The following DPP10 variants were observed in gnomAD, a reference collection of about 807,000 sequenced individuals.
DPP10 encodes inactive dipeptidyl peptidase 10.
DPP10 carries 33 observed loss-of-function variants against 120.9 expected under a neutral mutation model. The observed-to-expected ratio is 0.27, with a 90% CI of 0.21 to 0.37. DPP10 has a LOEUF of 0.37. Among genes scored for constraint, DPP10 ranks in the 10% least tolerant of loss-of-function variants. DPP10 has a pLI of 1.00. For missense variants in DPP10, 816 were observed against 942.8 expected, an observed-to-expected ratio of 0.87 and a Z score of 1.76; for synonymous variants, 337 against 326.1, an observed-to-expected ratio of 1.03 and a Z score of -0.36.
chr2:115,762,678 T>A, intron 12 of DPP10, 68 bp downstream of exon 12: 1 of 1,557,516 alleles, frequency 6.4e-7, no homozygotes, highest in Non-Finnish European at 8.8e-7. Context: ...TTTTATGTGA[T>A]AACTTTCTGT....
chr2:115,299,599 A>AT, intron 1 of DPP10, among the ~76,000 whole-genome samples: 1 of 152,172 alleles, frequency 6.6e-6, no homozygotes, highest in African/African-American at 2.4e-5. Context: ...CTGTCTATAA[A>AT]TTATATAGAC....
chr2:114,662,588 G>C (rs1223104153), intron 1 of DPP10, among the ~76,000 whole-genome samples: 2 of 152,172 alleles, frequency 1.3e-5, no homozygotes, highest in African/African-American at 4.8e-5. Context: ...AGAGGGCGCC[G>C]TTCTTCCCTG....
intron 1 of DPP10, among the ~76,000 whole-genome samples, chr2:115,056,762 A>G (rs1394598888): frequency 6.6e-6 from 1 of 152,230 alleles, no homozygotes; most frequent in African/African-American, 2.4e-5. Context: ...GGACTCCAAG[A>G]CAGAAGATGT....
At chr2:114,732,099 A>G (rs1376822738) in intron 1 of DPP10, among the ~76,000 whole-genome samples, 1 of 152,230 alleles carries the variant, frequency 6.6e-6, no homozygotes, top group Non-Finnish European at 1.5e-5. Context: ...CTGGTGTGAC[A>G]GTTAATGCTA....
intron 1 of DPP10, among the ~76,000 whole-genome samples, chr2:115,168,403 A>G (rs2053066714): frequency 6.6e-6 from 1 of 152,234 alleles, no homozygotes; most frequent in African/African-American, 2.4e-5. Context: ...GATAAATGAT[A>G]AAGGGACTGT....
chr2:114,879,355 T>C (rs1388720507), intron 1 of DPP10, among the ~76,000 whole-genome samples: 5 of 152,128 alleles, frequency 3.3e-5, no homozygotes, highest in Non-Finnish European at 7.4e-5. Flanking sequence ...ATCACTCCTA[T>C]TATCATCTCA....
rs540127363 is a variant in DPP10 at position 115,190,493 on chromosome 2, G to C, written c.61-118746G>C. 2.6e-5 allele frequency among the ~76,000 whole-genome samples: 4 copies of C among 152,322 alleles called. No individual in the cohort carries two copies. The East Asian group carries it at 7.7e-4, about 29-fold the overall frequency. On this transcript the variant is annotated intron_variant, in intron 1 of 25. Transcript: ENST00000410059. The stretch of plus-strand genomic sequence containing the variant: ...ATCTGCTAGGGGATGAACAAGGGCA[G>C]ACTGGTGGGTAAGCTCTTGGAAGGG...
At chr2:114,885,418 G>A (rs1484689510) in intron 1 of DPP10, among the ~76,000 whole-genome samples, 4 of 152,130 alleles carry the variant, frequency 2.6e-5, no homozygotes, top group East Asian at 3.8e-4. Flanking sequence ...CTTCAGTACC[G>A]GGGATTACAA....
chr2:114,971,186 T>C (rs941218597), intron 1 of DPP10, among the ~76,000 whole-genome samples: 1 of 152,198 alleles, frequency 6.6e-6, no homozygotes, highest in Admixed American at 6.5e-5. Context: ...TGACAAGCAA[T>C]TTGAGAGATA....
At chr2:114,570,739 A>G (rs139981261) in intron 1 of DPP10, among the ~76,000 whole-genome samples, 2,240 of 150,822 alleles carry the variant, frequency 0.015, 52 homozygotes, top group African/African-American at 0.052. Context: ...AGGCTGAGGC[A>G]GGAGAATGAC....
intron 1 of DPP10, among the ~76,000 whole-genome samples, chr2:114,903,350 A>T (rs1194682854): frequency 6.6e-6 from 1 of 152,212 alleles, no homozygotes; most frequent in Non-Finnish European, 1.5e-5. Flanking sequence ...AAGCCTTGGA[A>T]AAAATTACCA....
intron 1 of DPP10, among the ~76,000 whole-genome samples, chr2:115,169,865 T>G (rs1163317815): frequency 6.6e-6 from 1 of 152,194 alleles, no homozygotes; most frequent in African/African-American, 2.4e-5. Context: ...TTATAAAAGA[T>G]AGCAAATGAA....
At chr2:115,317,777 A>T (rs966864150) in intron 2 of DPP10, among the ~76,000 whole-genome samples, 1 of 151,978 alleles carries the variant, frequency 6.6e-6, no homozygotes, top group Non-Finnish European at 1.5e-5. Context: ...TTCTTTAAAG[A>T]TAGATCTATT....
chr2:114,537,347 C>T (rs186211664), intron 1 of DPP10, among the ~76,000 whole-genome samples: 26 of 151,948 alleles, frequency 1.7e-4, no homozygotes, highest in African/African-American at 3.4e-4. Flanking sequence ...TAGGATCTCT[C>T]GGAAGGATAG....
chr2:114,873,089 C>G (rs1374724693), intron 1 of DPP10, among the ~76,000 whole-genome samples: 5 of 152,108 alleles, frequency 3.3e-5, no homozygotes, highest in South Asian at 2.1e-4. Flanking sequence ...CGAAGGCCAC[C>G]ATTTCATCAA....
chr2:115,405,250 A>T (rs956755135), intron 3 of DPP10, among the ~76,000 whole-genome samples: 1 of 152,188 alleles, frequency 6.6e-6, no homozygotes, highest in African/African-American at 2.4e-5. Flanking sequence ...AAAAAGAAAA[A>T]TCAGCCCAAA....
At chr2:115,560,786 C>T (rs1439984942) in intron 5 of DPP10, among the ~76,000 whole-genome samples, 1 of 151,882 alleles carries the variant, frequency 6.6e-6, no homozygotes, top group Non-Finnish European at 1.5e-5. Flanking sequence ...ATATTAAACT[C>T]ATCTTACTGT....
rs543056403 is a variant in DPP10, at chr2:114,818,544, A to G, written c.60+375706A>G. On this transcript the variant is annotated intron_variant, in intron 1 of 25. Coordinates refer to ENST00000410059, the MANE Select transcript of DPP10 (RefSeq NM_020868.6). ...TTACAAGAAGACAACTTTTAATACC[A>G]AAGTATTTATCATTTATGATTTTCC... Among the ~76,000 whole-genome samples the G allele has an allele frequency of 2.0e-5, 3 of 152,290 alleles. No individual in the cohort carries two copies. The East Asian group carries it at 5.8e-4, about 29-fold the overall frequency.
At chr2:114,718,422 A>C (rs1189591306) in intron 1 of DPP10, among the ~76,000 whole-genome samples, 1 of 151,402 alleles carries the variant, frequency 6.6e-6, no homozygotes, top group Non-Finnish European at 1.5e-5. Flanking sequence ...AAAAAAAAAA[A>C]AAATTAGTTC....
Sources: allele counts gnomAD v4.1 joint callset (sites outside exome capture counted in the v4.1 genomes callset), GRCh38; gene constraint gnomAD v4.1.1; transcripts MANE v1.5; gene names NCBI Gene and HGNC (gene_info 2026-07-23, HGNC 2026-07-21).